MGAT4C: variants seen among roughly 807,000 people sequenced by gnomAD.
The protein encoded by MGAT4C is alpha-1,3-mannosyl-glycoprotein 4-beta-N-acetylglucosaminyltransferase C.
A neutral mutation model predicts 40.1 loss-of-function variants in MGAT4C; 19 were observed. That is an observed-to-expected ratio of 0.47 (90% CI 0.33 to 0.70). MGAT4C has a LOEUF of 0.70. Among genes scored for constraint, MGAT4C ranks in the 30% least tolerant of loss-of-function variants. The pLI, the probability that MGAT4C is intolerant of heterozygous loss-of-function variation, is 0.02. For synonymous variants in MGAT4C, 181 were observed against 187.1 expected, an observed-to-expected ratio of 0.97 and a Z score of 0.27; for missense variants, 491 against 563.2, an observed-to-expected ratio of 0.87 and a Z score of 1.30.
intron 2 of MGAT4C, among the ~76,000 whole-genome samples, chr12:86,576,415 G>A (rs1960560939): frequency 6.6e-6 from 1 of 151,832 alleles, no homozygotes; most frequent in African/African-American, 2.4e-5. Flanking sequence ...CCAGTGTCCT[G>A]AGACTTCCCC....
At chr12:86,743,844 G>A (rs574803277) in intron 1 of MGAT4C, among the ~76,000 whole-genome samples, 54 of 151,720 alleles carry the variant, frequency 3.6e-4, no homozygotes, top group Non-Finnish European at 7.5e-4. Context: ...TCACAGTTAA[G>A]TGTGGCTTTT....
At chr12:86,653,024 T>C (rs1963736379) in intron 2 of MGAT4C, among the ~76,000 whole-genome samples, 1 of 151,938 alleles carries the variant, frequency 6.6e-6, no homozygotes, top group South Asian at 2.1e-4. Context: ...GCTTTTTACT[T>C]TCAACATTAT....
chr12:86,195,152 C>T (rs1050429147), intron 1 of MGAT4C, among the ~76,000 whole-genome samples: 1 of 152,140 alleles, frequency 6.6e-6, no homozygotes, highest in Non-Finnish European at 1.5e-5. Context: ...ATTGACTTCT[C>T]AGTATCTGGA....
intron 4 of MGAT4C, among the ~76,000 whole-genome samples, chr12:86,293,789 T>C (rs117213766): frequency 0.01 from 1,545 of 152,268 alleles, 17 homozygotes; most frequent in East Asian, 0.046. Flanking sequence ...CTGATGGTTT[T>C]ATAAGTGTTT....
intron 4 of MGAT4C, among the ~76,000 whole-genome samples, chr12:86,320,649 T>C (rs1035243342): frequency 1.3e-5 from 2 of 152,126 alleles, no homozygotes; most frequent in South Asian, 4.1e-4. Context: ...ATCTCACTGC[T>C]GATCAGTGGC....
intron 2 of MGAT4C, among the ~76,000 whole-genome samples, chr12:86,030,855 A>G (rs1274787039): frequency 6.6e-6 from 1 of 151,832 alleles, no homozygotes; most frequent in Admixed American, 6.6e-5. Flanking sequence ...GACCGATTTA[A>G]TTTGTTATTG....
intron 2 of MGAT4C, among the ~76,000 whole-genome samples, chr12:86,482,754 T>A (rs891864356): frequency 6.6e-6 from 1 of 152,196 alleles, no homozygotes; most frequent in Non-Finnish European, 1.5e-5. Flanking sequence ...TTAATTAAGA[T>A]GTCCAATGAA....
intron 4 of MGAT4C, among the ~76,000 whole-genome samples, chr12:86,286,202 T>A (rs1953348839): frequency 6.6e-6 from 1 of 152,080 alleles, no homozygotes; most frequent in Non-Finnish European, 1.5e-5. Context: ...GGAGACAGGA[T>A]GTGACGTTTT....
At chr12:86,153,540 A>C (rs1244356644) in intron 1 of MGAT4C, among the ~76,000 whole-genome samples, 1 of 152,174 alleles carries the variant, frequency 6.6e-6, no homozygotes, top group Non-Finnish European at 1.5e-5. Context: ...CCCAAATCTT[A>C]TCTCTCATTG....
chr12:86,158,486 A>G (rs1219490323), intron 1 of MGAT4C, among the ~76,000 whole-genome samples: 5 of 152,160 alleles, frequency 3.3e-5, no homozygotes, highest in Admixed American at 6.5e-5. Flanking sequence ...TACAATAAAT[A>G]AGCAAAAATT....
chr12:86,546,801 G>T (rs1177053958), intron 2 of MGAT4C, among the ~76,000 whole-genome samples: 1 of 151,990 alleles, frequency 6.6e-6, no homozygotes, highest in East Asian at 1.9e-4. Context: ...AATGTGTGGG[G>T]ATAGTCATAA....
At chr12:86,207,770 A>G (rs774280596) in intron 1 of MGAT4C, among the ~76,000 whole-genome samples, 1 of 152,208 alleles carries the variant, frequency 6.6e-6, no homozygotes, top group African/African-American at 2.4e-5. Flanking sequence ...TAAAAAAGCA[A>G]TGCTAAGAAC....
chr12:86,688,594 T>C (rs1349665707), intron 2 of MGAT4C, among the ~76,000 whole-genome samples: 2 of 152,162 alleles, frequency 1.3e-5, no homozygotes, highest in African/African-American at 4.8e-5. Flanking sequence ...TATTTCTCCT[T>C]TGTGTTTGAA....
At chr12:86,554,782 G>C (rs774006120) in intron 2 of MGAT4C, among the ~76,000 whole-genome samples, 4 of 152,006 alleles carry the variant, frequency 2.6e-5, no homozygotes, top group Non-Finnish European at 5.9e-5. Context: ...CAGAAACTCT[G>C]GTTTAAAACA....
chr12:86,111,804 T>G (rs1261111904), intron 1 of MGAT4C, among the ~76,000 whole-genome samples: 1 of 151,786 alleles, frequency 6.6e-6, no homozygotes, highest in East Asian at 1.9e-4. Flanking sequence ...GCATGTTACA[T>G]TAGCCAAGTT....
chr12:86,198,117 G>A (rs1007031094), intron 1 of MGAT4C, among the ~76,000 whole-genome samples: 10 of 152,038 alleles, frequency 6.6e-5, no homozygotes, highest in Admixed American at 2.0e-4. Flanking sequence ...CTGGCTAATG[G>A]AATAAAGTTT....
At chr12:86,264,537 C>T (rs1203007645) in intron 4 of MGAT4C, among the ~76,000 whole-genome samples, 1 of 152,118 alleles carries the variant, frequency 6.6e-6, no homozygotes, top group Non-Finnish European at 1.5e-5. Flanking sequence ...GAAGTCCCGC[C>T]CCCTTCCGAG....
intron 1 of MGAT4C, among the ~76,000 whole-genome samples, chr12:86,773,145 C>A (rs982275461): frequency 2.0e-5 from 3 of 152,104 alleles, no homozygotes; most frequent in Non-Finnish European, 2.9e-5. Context: ...GGTCACTTTA[C>A]AGATATAATT....
chr12:86,540,730 C>T (rs1959160910), intron 2 of MGAT4C, among the ~76,000 whole-genome samples: 1 of 151,244 alleles, frequency 6.6e-6, no homozygotes, highest in East Asian at 1.9e-4. Flanking sequence ...AGTGAGACTC[C>T]ATCTCCAGAA....
Sources: gnomAD v4.1 joint callset for allele counts (sites outside exome capture counted in the v4.1 genomes callset) on GRCh38, gnomAD v4.1.1 for gene constraint, MANE v1.5 for transcripts, NCBI Gene and HGNC (gene_info 2026-07-23, HGNC 2026-07-21) for gene names.